Variants in MAP4K3 observed in about 807,000 individuals in gnomAD.
MAP4K3 encodes the protein mitogen-activated protein kinase kinase kinase kinase 3, also known as MAPK/ERK kinase kinase kinase 3.
MAP4K3 carries 94 observed loss-of-function variants against 143.5 expected under a neutral mutation model. That is an observed-to-expected ratio of 0.65 (90% CI 0.55 to 0.78). MAP4K3 has a LOEUF of 0.78. Ranked by LOEUF, MAP4K3 falls within the 30% of genes least tolerant of loss-of-function variation. The pLI is 0.00. For missense variants in MAP4K3, 1,077 were observed against 1,068.1 expected (o/e 1.01, Z -0.12); for synonymous variants, 416 against 347.2 (o/e 1.20, Z -2.20).
At chr2:39,301,339 G>A (rs1429344697) in intron 15 of MAP4K3, among the ~76,000 whole-genome samples, 1 of 152,176 alleles carries the variant, frequency 6.6e-6, no homozygotes, top group Non-Finnish European at 1.5e-5. Flanking sequence ...TCTTTAATTT[G>A]TAATGATATA....
At chr2:39,316,341 A>G (rs1338856402) in intron 12 of MAP4K3, among the ~76,000 whole-genome samples, 1 of 152,086 alleles carries the variant, frequency 6.6e-6, no homozygotes, top group Admixed American at 6.6e-5. Flanking sequence ...CCCTGTGAAA[A>G]CTGAACCTCT....
At chr2:39,309,210 A>G (rs1682848843) in intron 14 of MAP4K3, among the ~76,000 whole-genome samples, 1 of 152,158 alleles carries the variant, frequency 6.6e-6, no homozygotes, top group African/African-American at 2.4e-5. Flanking sequence ...TGCAACCTTG[A>G]ATTCCTGGGC....
At chr2:39,264,611 A>T (rs1185209084) in intron 28 of MAP4K3, among the ~76,000 whole-genome samples, 1 of 152,216 alleles carries the variant, frequency 6.6e-6, no homozygotes, top group Non-Finnish European at 1.5e-5. Context: ...TGACTTTTAA[A>T]ATTCATTTGG....
intron 19 of MAP4K3, 60 bp downstream of exon 19, chr2:39,290,232 A>C (rs1213202026): frequency 8.0e-7 from 1 of 1,249,028 alleles, no homozygotes; most frequent in Admixed American, 2.3e-5. Flanking sequence ...CTCTCAACAA[A>C]GTATTAAATT....
intron 16 of MAP4K3, among the ~76,000 whole-genome samples, chr2:39,297,938 C>G (rs1440075880): frequency 6.6e-6 from 1 of 152,010 alleles, no homozygotes; most frequent in Non-Finnish European, 1.5e-5. Flanking sequence ...ACGAAAATGT[C>G]TAACAATCAG....
intron 3 of MAP4K3, among the ~76,000 whole-genome samples, chr2:39,348,654 A>G (rs1409753981): frequency 6.6e-6 from 1 of 152,168 alleles, no homozygotes; most frequent in Non-Finnish European, 1.5e-5. Context: ...TAACCACTGA[A>G]GTAAATATTC....
intron 3 of MAP4K3, among the ~76,000 whole-genome samples, chr2:39,354,701 C>T (rs1210973553): frequency 1.3e-5 from 2 of 151,788 alleles, no homozygotes; most frequent in Non-Finnish European, 2.9e-5. Context: ...ACTCCCACAC[C>T]TCTACCTTAA....
At chr2:39,315,678 G>C (rs1368724034) in intron 12 of MAP4K3, among the ~76,000 whole-genome samples, 1 of 152,018 alleles carries the variant, frequency 6.6e-6, no homozygotes, top group Non-Finnish European at 1.5e-5. Flanking sequence ...ATTCTTATTT[G>C]TATGTGCAAC....
At chr2:39,425,965 G>A (rs932118222) in intron 1 of MAP4K3, among the ~76,000 whole-genome samples, 1 of 152,162 alleles carries the variant, frequency 6.6e-6, no homozygotes, top group Admixed American at 6.5e-5. Flanking sequence ...TAAAATTAGT[G>A]GGTACAGGTT....
intron 24 of MAP4K3, among the ~76,000 whole-genome samples, chr2:39,277,300 A>G (rs537195834): frequency 3.0e-4 from 46 of 152,356 alleles, no homozygotes; most frequent in Admixed American, 5.9e-4. Flanking sequence ...CTATGCCATC[A>G]TGCTTATCCT....
chr2:39,331,723 T>C (rs572633118), intron 8 of MAP4K3, among the ~76,000 whole-genome samples, 194 bp downstream of exon 8: 1 of 152,182 alleles, frequency 6.6e-6, no homozygotes, highest in African/African-American at 2.4e-5. Flanking sequence ...CTTTTCTCCT[T>C]AGTGAAAAAT....
intron 3 of MAP4K3, among the ~76,000 whole-genome samples, chr2:39,348,592 T>C (rs185244612): frequency 2.6e-5 from 4 of 152,312 alleles, no homozygotes; most frequent in African/African-American, 7.2e-5. Context: ...GCCCATTTTA[T>C]GCAGGTCAAT....
chr2:39,383,605 T>C (rs1319842545), intron 1 of MAP4K3, among the ~76,000 whole-genome samples: 5 of 152,070 alleles, frequency 3.3e-5, no homozygotes, highest in Non-Finnish European at 7.4e-5. Flanking sequence ...GTTATGCCTA[T>C]TGTACCGGTA....
intron 18 of MAP4K3, 85 bp downstream of exon 18, chr2:39,292,688 T>C: frequency 9.4e-7 from 1 of 1,061,250 alleles, no homozygotes; most frequent in Middle Eastern, 2.2e-4. Context: ...GATATTGAAA[T>C]TTCCATCAAT....
At chr2:39,339,085 G>C (rs889164512) in intron 4 of MAP4K3, among the ~76,000 whole-genome samples, 3 of 152,058 alleles carry the variant, frequency 2.0e-5, no homozygotes, top group African/African-American at 7.2e-5. Context: ...AAATTCCAAG[G>C]ATAAAAACCT....
chr2:39,290,453 G>T (rs1239779194), intron 18 of MAP4K3, 119 bp from the exon 19 acceptor site: 2 of 646,366 alleles, frequency 3.1e-6, no homozygotes, highest in African/African-American at 3.8e-5. Context: ...CATTTTCTAA[G>T]ATTGTAAGTT....
At chr2:39,413,383 G>A (rs1437323712) in intron 1 of MAP4K3, among the ~76,000 whole-genome samples, 2 of 152,158 alleles carry the variant, frequency 1.3e-5, no homozygotes. Context: ...CCACCATTAT[G>A]AGGAAAGGGG....
At chr2:39,276,237 G>A (rs1573083768) in intron 24 of MAP4K3, among the ~76,000 whole-genome samples, 1 of 152,096 alleles carries the variant, frequency 6.6e-6, no homozygotes. Context: ...AACTCAGTAT[G>A]ACCAAATTGA....
At chr2:39,399,155 C>T (rs80235443) in intron 1 of MAP4K3, among the ~76,000 whole-genome samples, 1,774 of 151,728 alleles carry the variant, frequency 0.012, 23 homozygotes, top group Non-Finnish European at 0.018. Flanking sequence ...AACTAAAGAA[C>T]GTACTATGCT....
Sources: gnomAD v4.1 joint callset for allele counts (sites outside exome capture counted in the v4.1 genomes callset) on GRCh38, gnomAD v4.1.1 for gene constraint, MANE v1.5 for transcripts, NCBI Gene and HGNC (gene_info 2026-07-23, HGNC 2026-07-21) for gene names.